The following PDCL2 variants were observed in gnomAD, a reference collection of about 807,000 sequenced individuals.
The protein encoded by PDCL2 is phosducin like 2, also known as phosducin-like protein 2.
Under a neutral mutation model 30.3 loss-of-function variants are expected in PDCL2, and 23 were observed. The ratio of observed to expected loss-of-function variants is 0.76; its 90% CI spans 0.55 to 1.08. The LOEUF is 1.08. Ranked by LOEUF, PDCL2 falls within the 50% of genes least tolerant of loss-of-function variation. PDCL2 has a pLI of 0.00. For missense variants in PDCL2, 243 were observed against 282.3 expected, an observed-to-expected ratio of 0.86 and a Z score of 1.00; for synonymous variants, 68 against 86.2, an observed-to-expected ratio of 0.79 and a Z score of 1.17.
chr4:55,583,808 C>G (rs943986982), intron 1 of PDCL2, among the ~76,000 whole-genome samples: 10 of 152,284 alleles, frequency 6.6e-5, no homozygotes, highest in Admixed American at 3.3e-4. Context: ...ATTACAATGG[C>G]TTTACAATAT....
chr4:55,569,584 C>G, intron 4 of PDCL2, 134 bp downstream of exon 4: 1 of 447,248 alleles, frequency 2.2e-6, no homozygotes. Flanking sequence ...ATCAAAACCT[C>G]TATGGATGTA....
intron 4 of PDCL2, among the ~76,000 whole-genome samples, chr4:55,569,337 A>C (rs1211042044): frequency 5.9e-5 from 9 of 152,176 alleles, no homozygotes; most frequent in Non-Finnish European, 1.0e-4. Flanking sequence ...ATATACACAC[A>C]CACAGAAACA....
intron 1 of PDCL2, among the ~76,000 whole-genome samples, chr4:55,590,099 A>C (rs1352628529): frequency 7.1e-6 from 1 of 140,538 alleles, no homozygotes; most frequent in African/African-American, 2.6e-5. Flanking sequence ...CAGGAGGCTG[A>C]GGCAGGAGAA....
At chr4:55,561,789 G>A (rs73819642) in intron 5 of PDCL2, among the ~76,000 whole-genome samples, 2 of 151,994 alleles carry the variant, frequency 1.3e-5, no homozygotes, top group Non-Finnish European at 2.9e-5. Flanking sequence ...GTAATAGGAG[G>A]CATGGTCCAT....
intron 4 of PDCL2, among the ~76,000 whole-genome samples, chr4:55,564,768 C>G (rs1429440118): frequency 6.6e-6 from 1 of 151,934 alleles, no homozygotes; most frequent in African/African-American, 2.4e-5. Context: ...AATTTAGGAG[C>G]CTAATCAAAA....
chr4:55,572,465 C>G (rs1732452608), intron 3 of PDCL2, among the ~76,000 whole-genome samples: 1 of 152,100 alleles, frequency 6.6e-6, no homozygotes, highest in Non-Finnish European at 1.5e-5. Flanking sequence ...AATCAGAAAG[C>G]CAGTGTAACA....
intron 3 of PDCL2, among the ~76,000 whole-genome samples, chr4:55,571,043 T>C (rs907598124): frequency 2.7e-4 from 41 of 152,254 alleles, no homozygotes; most frequent in Middle Eastern, 3.4e-3. Context: ...ACTTCATTTA[T>C]CAGACTGAGC....
intron 1 of PDCL2, among the ~76,000 whole-genome samples, chr4:55,582,500 A>G (rs894582111): frequency 3.3e-5 from 5 of 152,258 alleles, no homozygotes; most frequent in Non-Finnish European, 5.9e-5. Flanking sequence ...TAAGTCATGG[A>G]AAATTTGCTG....
chr4:55,574,600 T>A (rs1732513962), intron 3 of PDCL2, among the ~76,000 whole-genome samples: 1 of 152,186 alleles, frequency 6.6e-6, no homozygotes, highest in South Asian at 2.1e-4. Flanking sequence ...TGTGCAACCA[T>A]CACCACTACC....
At chr4:55,575,395 T>C (rs145637825) in intron 3 of PDCL2, among the ~76,000 whole-genome samples, 1 of 146,096 alleles carries the variant, frequency 6.8e-6, no homozygotes, top group Non-Finnish European at 1.5e-5. Flanking sequence ...GAAAAAAAAA[T>C]AAACAGGGCC....
At chr4:55,565,685 C>T (rs1266469600) in intron 4 of PDCL2, among the ~76,000 whole-genome samples, 2 of 152,148 alleles carry the variant, frequency 1.3e-5, no homozygotes, top group Non-Finnish European at 2.9e-5. Context: ...TTTTCTACAT[C>T]CCTATGATTG....
At chr4:55,561,337 G>A (rs528951184) in intron 5 of PDCL2, among the ~76,000 whole-genome samples, 7 of 151,976 alleles carry the variant, frequency 4.6e-5, no homozygotes, top group African/African-American at 7.2e-5. Context: ...TGAGGCGGGC[G>A]GATCTCCTGA....
At chr4:55,556,834 G>GT in intron 5 of PDCL2, 123 bp from the exon 6 acceptor site, 1 of 880,256 alleles carries the variant, frequency 1.1e-6, no homozygotes. Flanking sequence ...TTTATTTATA[G>GT]GTTTTTTTTT....
At chr4:55,560,239 AG>A (rs1008898150) in intron 5 of PDCL2, among the ~76,000 whole-genome samples, 31 of 152,136 alleles carry the variant, frequency 2.0e-4, no homozygotes, top group Middle Eastern at 3.4e-3. Context: ...TTTGCCCCTA[AG>A]GAAGCAGGGA....
chr4:55,562,728 AT>A, intron 4 of PDCL2, 116 bp from the exon 5 acceptor site: 2 of 639,654 alleles, frequency 3.1e-6, no homozygotes, highest in Non-Finnish European at 2.5e-6. Context: ...ATAAAAGCAC[AT>A]TATTATCATC....
chr4:55,582,267 A>G, intron 1 of PDCL2, 30 bp from the exon 2 acceptor site: 1 of 1,563,270 alleles, frequency 6.4e-7, no homozygotes, highest in Non-Finnish European at 8.6e-7. Context: ...AAGAAAATTA[A>G]CATGGTTGTA....
In PDCL2 at chr4:55,560,155, C is replaced by A. The variant is rs528763046; in HGVS notation, c.571+2249G>T. On this transcript the variant is annotated intron_variant, in intron 5 of 5. Coordinates refer to ENST00000295645, the MANE Select transcript of PDCL2 (RefSeq NM_152401.3). ...TTCTACTACAATGTTTAAAATATAC[C>A]AATAAATTTCATTGATATCTGTCTC... Among the ~76,000 whole-genome samples the A allele has an allele frequency of 6.0e-5, 8 of 133,318 alleles. No individual in the cohort carries two copies. In the East Asian group the frequency reaches 7.0e-4, roughly 12 times the overall value. The allele number at this position is 133,318 out of a possible 152,430, so 87.5% of individuals were successfully genotyped here. A position where few individuals can be genotyped will look rare whatever the true frequency, so the allele number is the denominator to read the frequency against.
At chr4:55,568,498 T>C (rs983575035) in intron 4 of PDCL2, among the ~76,000 whole-genome samples, 1 of 152,200 alleles carries the variant, frequency 6.6e-6, no homozygotes, top group African/African-American at 2.4e-5. Context: ...ACATATGTAT[T>C]CATAAAAGAT....
In PDCL2 at chr4:55,590,635, T is replaced by A. The variant is rs1036242357; in HGVS notation, c.6+1469A>T. Among the ~76,000 whole-genome samples, 3 of 150,110 alleles carry A rather than the reference T, an allele frequency of 2.0e-5. No individual in the cohort carries two copies. In the Admixed American group the frequency reaches 2.0e-4, roughly 10 times the overall value. On this transcript the variant is annotated intron_variant, in intron 1 of 5. Transcript: ENST00000295645. ...CCAAGTAGCTGGGACTACAGGTATG[T>A]GCCACAATGTCCAGCTAATTTTTTT...
Sources: allele counts gnomAD v4.1 joint callset (sites outside exome capture counted in the v4.1 genomes callset), GRCh38; gene constraint gnomAD v4.1.1; transcripts MANE v1.5; gene names NCBI Gene and HGNC (gene_info 2026-07-23, HGNC 2026-07-21).